FAT3: variants seen among roughly 807,000 people sequenced by gnomAD.
The protein encoded by FAT3 is protocadherin Fat 3.
Under a neutral mutation model 310.2 loss-of-function variants are expected in FAT3, and 95 were observed. The ratio of observed to expected loss-of-function variants is 0.31; its 90% CI spans 0.26 to 0.36. The LOEUF (loss-of-function observed/expected upper bound fraction) is 0.36. FAT3 is among the 10% of genes least tolerant of loss of function. The pLI is 1.00. For synonymous variants in FAT3, 2,314 were observed against 2,192.9 expected (o/e 1.06, Z -1.54); for missense variants, 5,408 against 5,715.6 (o/e 0.95, Z 1.74).
chr11:92,322,323 A>T (rs746692725), intron 1 of FAT3, among the ~76,000 whole-genome samples: 10 of 152,198 alleles, frequency 6.6e-5, no homozygotes, highest in Non-Finnish European at 1.2e-4. Context: ...GCTAAAAAAA[A>T]ATGCTAAGGG....
intron 1 of FAT3, among the ~76,000 whole-genome samples, chr11:92,287,126 T>G (rs955127526): frequency 2.0e-5 from 3 of 152,148 alleles, no homozygotes; most frequent in African/African-American, 7.2e-5. Context: ...GCTTTGCAGG[T>G]GTATCTTAGA....
At chr11:92,611,245 T>G (rs1940546215) in intron 3 of FAT3, among the ~76,000 whole-genome samples, 1 of 152,066 alleles carries the variant, frequency 6.6e-6, no homozygotes, top group African/African-American at 2.4e-5. Context: ...ATCCTCAGCC[T>G]CCTGAGTACC....
chr11:92,487,895 G>T (rs1952467970), intron 2 of FAT3, among the ~76,000 whole-genome samples: 1 of 152,174 alleles, frequency 6.6e-6, no homozygotes, highest in Admixed American at 6.5e-5. Context: ...GGTCTGTGGT[G>T]GACAGACTCT....
At chr11:92,550,353 A>T (rs1359370857) in intron 3 of FAT3, among the ~76,000 whole-genome samples, 2 of 152,220 alleles carry the variant, frequency 1.3e-5, no homozygotes, top group Non-Finnish European at 2.9e-5. Flanking sequence ...ATGTTCAGTG[A>T]TTAGAGTGGA....
intron 22 of FAT3, among the ~76,000 whole-genome samples, chr11:92,875,992 G>A (rs991485203): frequency 1.3e-5 from 2 of 152,164 alleles, no homozygotes; most frequent in Admixed American, 1.3e-4. Context: ...TTAGAATCCA[G>A]TTTCCATGAT....
intron 2 of FAT3, among the ~76,000 whole-genome samples, chr11:92,449,412 G>A (rs1464640161): frequency 6.6e-6 from 1 of 152,094 alleles, no homozygotes; most frequent in African/African-American, 2.4e-5. Flanking sequence ...GTGGAATCGG[G>A]TTCCCTATGA....
chr11:92,510,334 A>G (rs1239136087), intron 2 of FAT3, among the ~76,000 whole-genome samples: 1 of 152,122 alleles, frequency 6.6e-6, no homozygotes, highest in East Asian at 1.9e-4. Flanking sequence ...GTATGAATCT[A>G]TACCATTGTG....
At chr11:92,706,794 T>C (rs1186947858) in intron 4 of FAT3, among the ~76,000 whole-genome samples, 1 of 152,194 alleles carries the variant, frequency 6.6e-6, no homozygotes, top group East Asian at 1.9e-4. Context: ...AATGTGCATA[T>C]AAAAATAAAT....
At chr11:92,453,512 A>C (rs1951417147) in intron 2 of FAT3, among the ~76,000 whole-genome samples, 1 of 152,142 alleles carries the variant, frequency 6.6e-6, no homozygotes, top group Non-Finnish European at 1.5e-5. Context: ...GAAAGAAAAG[A>C]ATAAAAGTCA....
At chr11:92,396,604 G>A (rs184828782) in intron 2 of FAT3, among the ~76,000 whole-genome samples, 1 of 152,164 alleles carries the variant, frequency 6.6e-6, no homozygotes, top group Non-Finnish European at 1.5e-5. Flanking sequence ...GCTGAGATGA[G>A]AAATCACAGC....
chr11:92,645,827 T>C (rs1477444995), intron 3 of FAT3, among the ~76,000 whole-genome samples: 1 of 152,240 alleles, frequency 6.6e-6, no homozygotes, highest in Non-Finnish European at 1.5e-5. Flanking sequence ...GACAGAGATA[T>C]TTGTCTCATT....
chr11:92,852,766 G>A (rs147923446), intron 19 of FAT3, among the ~76,000 whole-genome samples: 2,149 of 152,126 alleles, frequency 0.014, 50 homozygotes, highest in African/African-American at 0.049. Flanking sequence ...TTTTCACAGT[G>A]GGGACTGGAT....
chr11:92,753,773 G>GGTGTGTGTGTGTGTGTGTGTGTGT (rs145467493), intron 4 of FAT3, among the ~76,000 whole-genome samples: 1 of 128,170 alleles, frequency 7.8e-6, no homozygotes, highest in African/African-American at 3.4e-5. Flanking sequence ...AAGAAACTGT[G>GGTGTGTGTGTGTGTGTGTGTGTGT]GTGTGTGTGT....
At chr11:92,270,107 T>C (rs1313007288) in intron 1 of FAT3, among the ~76,000 whole-genome samples, 1 of 152,136 alleles carries the variant, frequency 6.6e-6, no homozygotes, top group Non-Finnish European at 1.5e-5. Context: ...AACTTTAAGA[T>C]GCTAAGCTGC....
intron 22 of FAT3, 65 bp from the exon 23 acceptor site, chr11:92,880,666 G>C (rs2136396376): frequency 6.5e-7 from 1 of 1,538,432 alleles, no homozygotes; most frequent in Non-Finnish European, 8.8e-7. Flanking sequence ...ACATGTTATA[G>C]CTGAGTCCAA....
chr11:92,833,064 G>A (rs1055215424), intron 14 of FAT3, among the ~76,000 whole-genome samples: 15 of 152,206 alleles, frequency 9.9e-5, no homozygotes, highest in Admixed American at 2.0e-4. Flanking sequence ...CTCTTCACCA[G>A]CGAGTTAATA....
In FAT3 at chr11:92,799,662, G is replaced by A. The variant is rs1947277185; in HGVS notation, c.6649G>A (p.Gly2217Ser). 2 of 1,613,564 alleles carry A rather than the reference G, an allele frequency of 1.2e-6. No homozygotes were observed. The highest frequency in any genetic ancestry group is 1.7e-6 in the Non-Finnish European group (2 of 1,179,802). ...SINATSPEGQ[G>S]IIYIIIDGDP... Reference sequence around the variant, plus strand: ...CAATGCCACCAGTCCAGAAGGCCAAGGCATCATATATATCATTATCGATGG... The same window carrying A: ...CAATGCCACCAGTCCAGAAGGCCAAAGCATCATATATATCATTATCGATGG... The change falls in exon 10 of 28, where the codon GGC (glycine) becomes AGC (serine). Residue 2217 changes from glycine (G) to serine (S), a missense_variant. Around this residue, in one of 5 missense-constraint regions of FAT3, gnomAD observed 4,588 missense variants for 4,809.8 expected, o/e 0.95. Transcript: ENST00000525166.
At chr11:92,778,687 C>G (rs974275659) in intron 7 of FAT3, among the ~76,000 whole-genome samples, 2 of 152,124 alleles carry the variant, frequency 1.3e-5, no homozygotes, top group Non-Finnish European at 2.9e-5. Context: ...TTAAGATAAA[C>G]TAACTCCTTA....
chr11:92,478,645 C>T (rs574002230), intron 2 of FAT3, among the ~76,000 whole-genome samples: 14 of 152,060 alleles, frequency 9.2e-5, no homozygotes, highest in African/African-American at 3.4e-4. Context: ...GAGACAGAGT[C>T]TCGCTCTGTC....
Sources: allele counts gnomAD v4.1 joint callset (sites outside exome capture counted in the v4.1 genomes callset), GRCh38; gene constraint gnomAD v4.1.1; regional missense constraint gnomAD v4.1.1; transcripts MANE v1.5; gene names NCBI Gene and HGNC (gene_info 2026-07-23, HGNC 2026-07-21).